Variants in NIPA2 observed in about 807,000 individuals in gnomAD.
NIPA2 encodes NIPA magnesium transporter 2, also known as magnesium transporter NIPA2.
Under a neutral mutation model 29.7 loss-of-function variants are expected in NIPA2, and 11 were observed. The ratio of observed to expected loss-of-function variants is 0.37; its 90% confidence interval spans 0.23 to 0.61. NIPA2 has a LOEUF of 0.61. Among genes scored for constraint, NIPA2 ranks in the 20% least tolerant of loss-of-function variants. The pLI, the probability that NIPA2 is intolerant of heterozygous loss-of-function variation, is 0.66. For missense variants in NIPA2, 426 were observed against 437.9 expected, an observed-to-expected ratio of 0.97 and a Z score of 0.24; for synonymous variants, 183 against 161.9, an observed-to-expected ratio of 1.13 and a Z score of -0.99.
At chr15:22,865,294 G>C (rs2058926389) in intron 7 of NIPA2, among the ~76,000 whole-genome samples, 1 of 151,392 alleles carries the variant, frequency 6.6e-6, no homozygotes. Flanking sequence ...AGACCATCCT[G>C]ACTAACATGG....
chr15:22,845,149 C>T lies in NIPA2; in HGVS notation c.-212C>T, dbSNP rs541208925. 9.2e-5 allele frequency: 14 copies of T among 152,328 alleles called. No individual in the cohort carries two copies. The highest frequency in any genetic ancestry group is 3.1e-4 in the African/African-American group (13 of 41,560). 9.4% of individuals were successfully genotyped at this position (152,328 alleles called of 1,614,324 possible). On this transcript the variant is annotated 5_prime_UTR_variant, in exon 3 of 8. Transcript: ENST00000337451. ...AGAAAAAATATCTCTGTTGCAGGCT[C>T]TCCCGGCTGTGATAGACCTTCAGTT...
At chr15:22,865,158 C>T (rs898161372) in intron 7 of NIPA2, among the ~76,000 whole-genome samples, 3 of 149,490 alleles carry the variant, frequency 2.0e-5, no homozygotes, top group Non-Finnish European at 1.5e-5. Flanking sequence ...CCACACCTGG[C>T]TTCTTGTTCT....
At position 22,866,803 on chromosome 15, in the gene NIPA2, G is replaced by A. The variant is rs774152495; in HGVS notation, c.1039G>A (p.Gly347Ser). 2 of 1,603,390 alleles carry A rather than the reference G, an allele frequency of 1.2e-6. No individual in the cohort carries two copies. The highest frequency in any genetic ancestry group is 1.7e-6 in the Non-Finnish European group (2 of 1,173,944). Residue 347 changes from glycine (G) to serine (S), a missense_variant, in exon 8 of 8, where the codon GGT (glycine) becomes AGT (serine). This residue lies in a region of NIPA2 where 357 missense variants were observed against 339.8 expected (regional missense o/e 1.05). Transcript: ENST00000337451. The stretch of plus-strand genomic sequence containing the variant: ...AACCTGTGGAATCGAACAACACACT[G>A]GTGAAAATGTCTCCCGAAGAAATGG... ...SLTCGIEQHTGENVSRRNGNL... is the reference protein window; with the variant it reads ...SLTCGIEQHTSENVSRRNGNL...
intron 3 of NIPA2, among the ~76,000 whole-genome samples, chr15:22,846,382 A>G (rs1049469833): frequency 1.7e-4 from 25 of 147,470 alleles, no homozygotes; most frequent in African/African-American, 5.2e-4. Context: ...TGTCAAGGCA[A>G]CATGTAATAC....
At chr15:22,840,510 G>A (rs1896778061) in intron 2 of NIPA2, among the ~76,000 whole-genome samples, 1 of 151,688 alleles carries the variant, frequency 6.6e-6, no homozygotes, top group Non-Finnish European at 1.5e-5. Flanking sequence ...TGTTGGCCAG[G>A]CTGGTCTCTT....
chr15:22,858,924 TC>T (rs2058409134), intron 6 of NIPA2, among the ~76,000 whole-genome samples: 1 of 152,152 alleles, frequency 6.6e-6, no homozygotes, highest in Non-Finnish European at 1.5e-5. Context: ...ATGCCTGTAA[TC>T]CCAGCATTTT....
At chr15:22,851,001 C>T (rs1478413944) in intron 3 of NIPA2, among the ~76,000 whole-genome samples, 1 of 152,150 alleles carries the variant, frequency 6.6e-6, no homozygotes, top group Admixed American at 6.5e-5. Flanking sequence ...TCTTGGTAAG[C>T]CTCTGCTTCC....
At position 22,862,043 on chromosome 15, in the gene NIPA2, GTC is replaced by G. The variant is rs1166686957; in HGVS notation, c.448+1260_448+1261del. The stretch of plus-strand genomic sequence containing the variant: ...TGAGCCACCATGCCTCGCCTGATGG[GTC>G]TCTCTTTTTTTTTTTTTTTGAGACA... On this transcript the variant is annotated intron_variant, in intron 7 of 7. Coordinates refer to ENST00000337451, the MANE Select transcript of NIPA2 (RefSeq NM_030922.7). Among the ~76,000 whole-genome samples, 37 of 33,154 alleles carry G rather than the reference GTC, an allele frequency of 1.1e-3. 1 individual carries two copies. The highest frequency in any genetic ancestry group is 3.3e-3 in the African/African-American group (31 of 9,304). 21.8% of individuals were successfully genotyped at this position (33,154 alleles called of 152,430 possible).
At chr15:22,855,540 A>G (rs2058117021) in intron 5 of NIPA2, among the ~76,000 whole-genome samples, 1 of 152,244 alleles carries the variant, frequency 6.6e-6, no homozygotes, top group South Asian at 2.1e-4. Context: ...GTGAGAGGAA[A>G]AGACTGAAAA....
At chr15:22,861,369 C>T (rs1445606244) in intron 7 of NIPA2, among the ~76,000 whole-genome samples, 2 of 152,160 alleles carry the variant, frequency 1.3e-5, no homozygotes, top group African/African-American at 4.8e-5. Flanking sequence ...CAGCTGTTAT[C>T]TGCATTTCTC....
chr15:22,844,177 TTTTA>T (rs964615944), intron 2 of NIPA2, among the ~76,000 whole-genome samples: 8 of 152,228 alleles, frequency 5.3e-5, no homozygotes, highest in Non-Finnish European at 1.0e-4. Flanking sequence ...CATAATTTTC[TTTTA>T]TTTGAGATGT....
At chr15:22,857,439 T>TC in intron 5 of NIPA2, among the ~76,000 whole-genome samples, 1 of 99,934 alleles carries the variant, frequency 1.0e-5, no homozygotes, top group East Asian at 4.1e-4. Context: ...AGACTCTGTC[T>TC]CAAAAAAAAA....
chr15:22,861,367 A>G (rs1242867030), intron 7 of NIPA2, among the ~76,000 whole-genome samples: 1 of 152,124 alleles, frequency 6.6e-6, no homozygotes, highest in Non-Finnish European at 1.5e-5. Flanking sequence ...CACAGCTGTT[A>G]TCTGCATTTC....
rs931870482 is a variant in NIPA2 at position 22,838,737 on chromosome 15, G to C, written c.-536G>C. ...AGGTTGTCCTTGGCAGGTTTTCCTC[G>C]GCGCTTCTCCATGGAGGAGGCGGTG... On this transcript the variant is annotated 5_prime_UTR_variant, in exon 1 of 8. Transcript: ENST00000337451. The C allele has an allele frequency of 6.6e-6, 1 of 152,554 alleles. No homozygotes were observed. Among genetic ancestry groups the C allele is most frequent in the African/African-American group, 2.4e-5 (1 of 41,464 alleles). The allele number at this position is 152,554 out of a possible 1,614,324, so 9.5% of individuals were successfully genotyped here.
At chr15:22,842,504 A>G (rs191638014) in intron 2 of NIPA2, among the ~76,000 whole-genome samples, 1 of 151,720 alleles carries the variant, frequency 6.6e-6, no homozygotes, top group Non-Finnish European at 1.5e-5. Context: ...CCTGGCTAAC[A>G]TGGTGAAACC....
intron 5 of NIPA2, among the ~76,000 whole-genome samples, chr15:22,856,876 A>G (rs1320108878): frequency 6.6e-6 from 1 of 152,232 alleles, no homozygotes; most frequent in African/African-American, 2.4e-5. Context: ...GCAGTAGCCA[A>G]GAGGGATCCT....
At chr15:22,843,562 C>T (rs763161468) in intron 2 of NIPA2, among the ~76,000 whole-genome samples, 1 of 151,326 alleles carries the variant, frequency 6.6e-6, no homozygotes, top group Non-Finnish European at 1.5e-5. Flanking sequence ...TACCACATAT[C>T]TTTTTAATTA....
At chr15:22,862,665 T>A (rs1488394469) in intron 7 of NIPA2, among the ~76,000 whole-genome samples, 2 of 152,142 alleles carry the variant, frequency 1.3e-5, no homozygotes, top group Non-Finnish European at 2.9e-5. Flanking sequence ...AGTTTTAGAA[T>A]TCTTTGTGGG....
At position 22,866,816 on chromosome 15, in the gene NIPA2, C is replaced by A; in HGVS notation, c.1052C>A (p.Ser351Tyr). Residue 351 changes from serine to tyrosine, a missense_variant, in exon 8 of 8, where the codon TCC becomes TAC. Physicochemically the swap from Ser to Tyr is moderately radical, Grantham distance 144. Around this residue, in one of 3 missense-constraint regions of NIPA2, gnomAD observed 357 missense variants for 339.8 expected, o/e 1.05. Coordinates refer to ENST00000337451, the MANE Select transcript of NIPA2 (RefSeq NM_030922.7). ...GIEQHTGENV[S>Y]RRNGNLTAF Reference sequence around the variant, plus strand: ...GAACAACACACTGGTGAAAATGTCTCCCGAAGAAATGGAAATCTGACAGCT... The same window carrying A: ...GAACAACACACTGGTGAAAATGTCTACCGAAGAAATGGAAATCTGACAGCT... 2 of 1,597,450 alleles carry A rather than the reference C, an allele frequency of 1.3e-6. No homozygotes were observed. Among genetic ancestry groups the A allele is most frequent in the Non-Finnish European group, 1.7e-6 (2 of 1,171,324 alleles).
Sources: allele counts gnomAD v4.1 joint callset (sites outside exome capture counted in the v4.1 genomes callset), GRCh38; gene constraint gnomAD v4.1.1; regional missense constraint gnomAD v4.1.1; transcripts MANE v1.5; gene names NCBI Gene and HGNC (gene_info 2026-07-23, HGNC 2026-07-21).